The following NRXN3 variants were observed in gnomAD, a reference collection of about 807,000 sequenced individuals.
NRXN3 encodes the protein neurexin 3.
In NRXN3, 32 loss-of-function variants were observed where a neutral mutation model predicts 137.6. The ratio of observed to expected loss-of-function variants is 0.23; its 90% CI spans 0.18 to 0.31. The LOEUF is 0.31. Ranked by LOEUF, NRXN3 falls within the 10% of genes least tolerant of loss-of-function variation. NRXN3 has a pLI of 1.00. For missense variants in NRXN3, 1,574 were observed against 2,062.5 expected, an observed-to-expected ratio of 0.76 and a Z score of 4.59; for synonymous variants, 798 against 784.5, an observed-to-expected ratio of 1.02 and a Z score of -0.29.
At chr14:78,299,778 A>G (rs943334258) in intron 4 of NRXN3, among the ~76,000 whole-genome samples, 2 of 152,220 alleles carry the variant, frequency 1.3e-5, no homozygotes, top group Admixed American at 6.5e-5. Context: ...AGATACAACC[A>G]TGCTCCGGGG....
At chr14:78,833,680 C>T (rs1393870742) in intron 10 of NRXN3, among the ~76,000 whole-genome samples, 1 of 152,006 alleles carries the variant, frequency 6.6e-6, no homozygotes, top group African/African-American at 2.4e-5. Context: ...GAAATTGTTT[C>T]TGGTGGTTAA....
Position 79,864,261 on chromosome 14 carries a change from T to C in NRXN3, c.*2297T>C, listed in dbSNP as rs2099416876. ...CAATTTTATGGGAACATGTGCATTC[T>C]CTATGTGAGCTTCTATCATATTCCT... On this transcript the variant is annotated 3_prime_UTR_variant, in exon 21 of 21. Coordinates refer to ENST00000335750, the MANE Select transcript of NRXN3 (RefSeq NM_001330195.2). 2 of 152,682 alleles carry C rather than the reference T, an allele frequency of 1.3e-5. 1 individual carries two copies. Among genetic ancestry groups the C allele is most frequent in the South Asian group, 4.1e-4 (2 of 4,836 alleles). The allele number at this position is 152,682 out of a possible 1,614,324, so 9.5% of individuals were successfully genotyped here.
intron 19 of NRXN3, among the ~76,000 whole-genome samples, chr14:79,758,900 A>G (rs941941412): frequency 3.3e-5 from 5 of 152,212 alleles, no homozygotes; most frequent in Non-Finnish European, 7.3e-5. Context: ...GAAGTCATTT[A>G]AACTGCAAGA....
intron 15 of NRXN3, among the ~76,000 whole-genome samples, chr14:79,355,017 C>T (rs1047377337): frequency 6.6e-6 from 1 of 152,070 alleles, no homozygotes; most frequent in African/African-American, 2.4e-5. Flanking sequence ...AGCATAGATG[C>T]ATATTTTTTG....
intron 6 of NRXN3, among the ~76,000 whole-genome samples, chr14:78,678,599 C>G (rs940919800): frequency 3.9e-5 from 6 of 152,144 alleles, no homozygotes; most frequent in African/African-American, 4.8e-5. Flanking sequence ...AATTCACACT[C>G]CCACCAGCAG....
chr14:78,285,508 G>A (rs1428262520), intron 3 of NRXN3, among the ~76,000 whole-genome samples: 1 of 152,130 alleles, frequency 6.6e-6, no homozygotes, highest in Admixed American at 6.5e-5. Flanking sequence ...GTAAAAAGTA[G>A]TGGAACAGAA....
At chr14:78,583,185 G>A (rs915800793) in intron 4 of NRXN3, among the ~76,000 whole-genome samples, 2 of 152,050 alleles carry the variant, frequency 1.3e-5, no homozygotes, top group African/African-American at 4.8e-5. Flanking sequence ...GAAGTCCAGA[G>A]CCATGGTGCT....
At chr14:79,238,377 AG>A (rs2073775736) in intron 15 of NRXN3, among the ~76,000 whole-genome samples, 1 of 152,150 alleles carries the variant, frequency 6.6e-6, no homozygotes, top group Non-Finnish European at 1.5e-5. Flanking sequence ...CTATCCCTAT[AG>A]AGACATATTC....
chr14:79,619,786 C>T (rs2098201974), intron 16 of NRXN3, among the ~76,000 whole-genome samples: 1 of 152,084 alleles, frequency 6.6e-6, no homozygotes, highest in African/African-American at 2.4e-5. Context: ...CCTCGAAGAT[C>T]TCCCAATCTA....
chr14:79,803,176 A>G (rs79659533), intron 19 of NRXN3, among the ~76,000 whole-genome samples: 2 of 152,118 alleles, frequency 1.3e-5, no homozygotes, highest in Admixed American at 1.3e-4. Flanking sequence ...AATTAAATCA[A>G]TGAATTATCT....
In NRXN3 at chr14:79,414,417, C is replaced by G. The variant is rs531311571; in HGVS notation, c.3263-52804C>G. Among the ~76,000 whole-genome samples, 8 of 152,056 alleles carry G rather than the reference C, an allele frequency of 5.3e-5. No homozygotes were observed. The South Asian group carries it at 8.3e-4, about 16-fold the overall frequency. On this transcript the variant is annotated intron_variant, in intron 15 of 20. Coordinates refer to ENST00000335750, the MANE Select transcript of NRXN3 (RefSeq NM_001330195.2). ...TTTCTCTTCCTTTTAGGGATTAGTT[C>G]TTTTAGTCCCACCTTTGAGATAAAT...
chr14:79,398,187 T>G (rs776088430), intron 15 of NRXN3, among the ~76,000 whole-genome samples: 2 of 152,178 alleles, frequency 1.3e-5, no homozygotes, highest in Non-Finnish European at 2.9e-5. Flanking sequence ...TGTAGTTTTT[T>G]GAGAAGGGGC....
chr14:78,739,727 T>C (rs2098556449), intron 8 of NRXN3, among the ~76,000 whole-genome samples: 1 of 152,108 alleles, frequency 6.6e-6, no homozygotes, highest in African/African-American at 2.4e-5. Flanking sequence ...AGTGTTGGGA[T>C]TGCAGGTGTG....
chr14:79,196,709 AT>A (rs2065184178), intron 15 of NRXN3, among the ~76,000 whole-genome samples: 1 of 152,022 alleles, frequency 6.6e-6, no homozygotes, highest in Non-Finnish European at 1.5e-5. Flanking sequence ...GTTGGGTCTC[AT>A]TTGCTTGCTT....
At chr14:79,138,599 A>G (rs60076654) in intron 15 of NRXN3, among the ~76,000 whole-genome samples, 9,573 of 152,320 alleles carry the variant, frequency 0.063, 1,055 homozygotes, top group African/African-American at 0.22. Context: ...TAGGATTTAT[A>G]GTACCAAGGC....
chr14:79,439,734 C>T (rs1032422121), intron 15 of NRXN3, among the ~76,000 whole-genome samples: 11 of 152,112 alleles, frequency 7.2e-5, no homozygotes, highest in African/African-American at 1.9e-4. Context: ...CAAGTAAAGT[C>T]GTAATCATTT....
chr14:79,504,372 G>A (rs535664613), intron 16 of NRXN3, among the ~76,000 whole-genome samples: 18 of 151,804 alleles, frequency 1.2e-4, no homozygotes, highest in Middle Eastern at 3.2e-3. Context: ...TTAATGTTCC[G>A]TCATATAATT....
At chr14:79,650,636 A>G (rs763266999) in intron 16 of NRXN3, among the ~76,000 whole-genome samples, 6 of 152,184 alleles carry the variant, frequency 3.9e-5, no homozygotes, top group African/African-American at 1.4e-4. Flanking sequence ...TGAGGGCTAA[A>G]GAATGCCAGA....
intron 15 of NRXN3, among the ~76,000 whole-genome samples, chr14:79,360,074 T>A (rs376719173): frequency 6.6e-6 from 1 of 152,172 alleles, no homozygotes; most frequent in East Asian, 1.9e-4. Context: ...TGAAAAGAAT[T>A]ATGCTGCAAA....
Sources: allele counts gnomAD v4.1 joint callset (sites outside exome capture counted in the v4.1 genomes callset), GRCh38; gene constraint gnomAD v4.1.1; transcripts MANE v1.5; gene names NCBI Gene and HGNC (gene_info 2026-07-23, HGNC 2026-07-21).